SPIB: variants seen among roughly 807,000 people sequenced by gnomAD.
SPIB encodes Spi-B transcription factor, also known as transcription factor Spi-B.
A neutral mutation model predicts 31.9 loss-of-function variants in SPIB; 7 were observed. That is an observed-to-expected ratio of 0.22 (90% CI 0.12 to 0.41). SPIB has a LOEUF of 0.41. SPIB is among the 10% of genes least tolerant of loss of function. SPIB has a pLI of 1.00. For missense variants in SPIB, 327 were observed against 360.2 expected (o/e 0.91, Z 0.75); for synonymous variants, 176 against 158.9 (o/e 1.11, Z -0.81).
chr19:50,426,707 C>T (rs1183474273), intron 5 of SPIB, among the ~76,000 whole-genome samples: 1 of 152,012 alleles, frequency 6.6e-6, no homozygotes, highest in East Asian at 2.0e-4. Context: ...GTTGGCCAGG[C>T]TTGTCTCGAA....
chr19:50,419,931 T>TCACA lies in SPIB; in HGVS notation c.24-14_24-13insACAC. ...GAGGCAGCCTCAGCATGCCCCTGTG[T>TCACA]CTCTCCCCCTCCAGGCTCGACGGGC... is the stretch of plus-strand genomic sequence containing the variant. On this transcript the variant is annotated splice_polypyrimidine_tract_variant and intron_variant, in intron 1 of 5. Coordinates refer to ENST00000595883, the MANE Select transcript of SPIB (RefSeq NM_003121.5). 1 of 1,538,692 alleles carries TCACA rather than the reference T, an allele frequency of 6.5e-7. No individual in the cohort carries two copies. Among genetic ancestry groups the TCACA allele is most frequent in the Non-Finnish European group, 8.7e-7 (1 of 1,148,634 alleles).
intron 4 of SPIB, 67 bp from the exon 5 acceptor site, chr19:50,423,538 C>A: frequency 1.3e-6 from 2 of 1,577,472 alleles, no homozygotes; most frequent in South Asian, 1.2e-5. Context: ...ACCGCCTTGG[C>A]CTGAGAGGAG....
rs1166132405 is a variant in SPIB, at chr19:50,428,205, A to G, written c.658A>G (p.Lys220Glu). The G allele has an allele frequency of 1.9e-6, 3 of 1,585,854 alleles. No individual in the cohort carries two copies. ...RRWGQQKGNR[K>E]RMTYQKLARA... is the part of the protein sequence containing the mutation. ...CTGGGGCCAGCAGAAGGGGAACCGC[A>G]AGCGCATGACCTACCAGAAGCTGGC... Residue 220 changes from lysine (K) to glutamate (E), a missense_variant, in exon 6 of 6, where the codon AAG becomes GAG. By Grantham distance (56) the Lys-to-Glu change is moderately conservative. Transcript: ENST00000595883. The surrounding 1 kb of genome is among the most constrained non-coding windows in gnomAD (Gnocchi z 6.5).
intron 5 of SPIB, 113 bp from the exon 6 acceptor site, chr19:50,427,925 A>C: frequency 2.9e-6 from 3 of 1,026,004 alleles, no homozygotes; most frequent in Non-Finnish European, 3.7e-6. Context: ...CCCTCACCCC[A>C]CTTTTCAGAT....
At position 50,422,890 on chromosome 19, in the gene SPIB, A is replaced by G. The variant is rs2039515065; in HGVS notation, c.192A>G (p.Ala64=). The G allele has an allele frequency of 1.9e-6, 3 of 1,610,354 alleles. No homozygotes were observed. Among genetic ancestry groups the G allele is most frequent in the Non-Finnish European group, 1.7e-6 (2 of 1,178,608 alleles). The change falls in exon 4 of 6, where the codon GCA becomes GCG. Residue 64 remains alanine, a synonymous_variant. Transcript: ENST00000595883. Reference sequence around the variant, plus strand: ...CCCCCTATGAAGCCTTCGACCCGGCAGCAGCCGCTTTTAGCCACCCCCAGG... The same window carrying G: ...CCCCCTATGAAGCCTTCGACCCGGCGGCAGCCGCTTTTAGCCACCCCCAGG... The part of the protein sequence containing the change: ...PATPYEAFDP[A]AAAFSHPQAA...
At position 50,419,844 on chromosome 19, in the gene SPIB, G is replaced by T. The variant is rs547723382; in HGVS notation, c.24-102G>T. On this transcript the variant is annotated intron_variant, in intron 1 of 5. Coordinates refer to ENST00000595883, the MANE Select transcript of SPIB (RefSeq NM_003121.5). ...GGGCTGGTCCCTCACACAGGGCTGC[G>T]GTGGTCACAGCTGCTGCCGCCTCCC... is the stretch of plus-strand genomic sequence containing the variant. The T allele has an allele frequency of 4.0e-6, 5 of 1,238,332 alleles. No homozygotes were observed. In the East Asian group the frequency reaches 9.2e-5, roughly 23 times the overall value. 76.7% of individuals were successfully genotyped at this position (1,238,332 alleles called of 1,614,324 possible).
chr19:50,424,123 G>A (rs940533112), intron 5 of SPIB, among the ~76,000 whole-genome samples: 4 of 152,088 alleles, frequency 2.6e-5, no homozygotes, highest in Non-Finnish European at 4.4e-5. Context: ...AACCCCCAAC[G>A]GTTCAACCCT....
chr19:50,423,589 C>G lies in SPIB; in HGVS notation c.340-16C>G. ...AAGGGGTCCCTGGACATGCAGGTGA[C>G]CCTGACCTTCCGCAGACCCTGGTTC... On this transcript the variant is annotated splice_polypyrimidine_tract_variant and intron_variant, in intron 4 of 5. Coordinates refer to ENST00000595883, the MANE Select transcript of SPIB (RefSeq NM_003121.5). The G allele has an allele frequency of 1.2e-6, 2 of 1,611,580 alleles. No individual in the cohort carries two copies. The highest frequency in any genetic ancestry group is 1.7e-6 in the Non-Finnish European group (2 of 1,178,486).
chr19:50,421,997 G>A (rs577772768), intron 2 of SPIB, among the ~76,000 whole-genome samples: 9 of 152,286 alleles, frequency 5.9e-5, no homozygotes, highest in African/African-American at 9.6e-5. Context: ...TGATCTGCCC[G>A]CCTCGGCCCC....
chr19:50,419,398 C>A (rs970421432), intron 1 of SPIB, among the ~76,000 whole-genome samples: 26 of 152,140 alleles, frequency 1.7e-4, no homozygotes, highest in African/African-American at 6.0e-4. Context: ...TCTCGCTCTC[C>A]CTGCCTTTTG....
chr19:50,429,895 G>T lies in SPIB; in HGVS notation c.*1559G>T, dbSNP rs2039619237. The T allele has an allele frequency of 6.6e-6, 1 of 152,072 alleles. No homozygotes were observed. The highest frequency in any genetic ancestry group is 6.6e-5 in the Admixed American group (1 of 15,254). 9.4% of individuals were successfully genotyped at this position (152,072 alleles called of 1,614,324 possible). A position where few individuals can be genotyped will look rare whatever the true frequency, so the allele number is the denominator to read the frequency against. On this transcript the variant is annotated 3_prime_UTR_variant, in exon 6 of 6. Transcript: ENST00000595883. ...CACGTGCCTGTAGTCCCAGCTACTC[G>T]GGAGGCTGAGGCAAGAGAATCGCTT...
At chr19:50,423,792 T>C in intron 5 of SPIB, 37 bp downstream of exon 5, 2 of 1,567,476 alleles carry the variant, frequency 1.3e-6, no homozygotes, top group Non-Finnish European at 1.7e-6. Context: ...AGATGCCAGC[T>C]GGAGATGGTG....
chr19:50,420,898 G>A (rs1265662025), intron 2 of SPIB, among the ~76,000 whole-genome samples: 3 of 152,240 alleles, frequency 2.0e-5, no homozygotes, highest in Admixed American at 6.5e-5. Flanking sequence ...AAATTGCTGG[G>A]ATTACAGGCG....
rs146685364 is a variant in SPIB at position 50,423,540 on chromosome 19, TGA to T, written c.340-61_340-60del. The T allele has an allele frequency of 3.7e-4, 585 of 1,579,012 alleles. 4 individuals carry two copies. In the African/African-American group the frequency reaches 7.1e-3, roughly 19 times the overall value. Reference sequence around the variant, plus strand: ...AGCCAGGAGGGCCACCGCCTTGGCCTGAGAGGAGGAAGTGGAGGGAGACAAGG... The same window carrying T: ...AGCCAGGAGGGCCACCGCCTTGGCCTGAGGAGGAAGTGGAGGGAGACAAGG... On this transcript the variant is annotated intron_variant, in intron 4 of 5. Coordinates refer to ENST00000595883, the MANE Select transcript of SPIB (RefSeq NM_003121.5).
rs372956605 is a variant in SPIB at position 50,419,814 on chromosome 19, T to C, written c.24-132T>C. On this transcript the variant is annotated intron_variant, in intron 1 of 5. Coordinates refer to ENST00000595883, the MANE Select transcript of SPIB (RefSeq NM_003121.5). Reference sequence around the variant, plus strand: ...GGGTAGTGGGGGAGTCCGGTGAATGTGGTGGGGCTGGTCCCTCACACAGGG... The same window carrying C: ...GGGTAGTGGGGGAGTCCGGTGAATGCGGTGGGGCTGGTCCCTCACACAGGG... 385 of 857,600 alleles carry C rather than the reference T, an allele frequency of 4.5e-4. 3 individuals carry two copies. In the South Asian group the frequency reaches 6.6e-3, roughly 15 times the overall value. 53.1% of individuals were successfully genotyped at this position (857,600 alleles called of 1,614,324 possible). A position where few individuals can be genotyped will look rare whatever the true frequency, so the allele number is the denominator to read the frequency against.
At position 50,431,055 on chromosome 19, in the gene SPIB, C is replaced by T. The variant is rs1048476694; in HGVS notation, c.*2719C>T. ...ATAAGATGCATCGACGTAGACAAAC[C>T]TCCTGGGACCTTTTGTCAGGGACTG... is the stretch of plus-strand genomic sequence containing the variant. On this transcript the variant is annotated 3_prime_UTR_variant, in exon 6 of 6. Coordinates refer to ENST00000595883, the MANE Select transcript of SPIB (RefSeq NM_003121.5). 4 of 152,244 alleles carry T rather than the reference C, an allele frequency of 2.6e-5. No homozygotes were observed. Among genetic ancestry groups the T allele is most frequent in the African/African-American group, 9.6e-5 (4 of 41,454 alleles). 9.4% of individuals were successfully genotyped at this position (152,244 alleles called of 1,614,324 possible). A position where few individuals can be genotyped will look rare whatever the true frequency, so the allele number is the denominator to read the frequency against.
rs530442192 is a variant in SPIB, at chr19:50,421,372, G to A, written c.52-1101G>A. Among the ~76,000 whole-genome samples the A allele has an allele frequency of 2.0e-5, 3 of 152,272 alleles. No individual in the cohort carries two copies. The South Asian group carries it at 6.2e-4, about 32-fold the overall frequency. Reference sequence around the variant, plus strand: ...AGAGTTTTGCTCTGTCGCCGGGCTGGAGTACAGTGGTGCGATCTCGGCTCA... The same window carrying A: ...AGAGTTTTGCTCTGTCGCCGGGCTGAAGTACAGTGGTGCGATCTCGGCTCA... On this transcript the variant is annotated intron_variant, in intron 2 of 5. Transcript: ENST00000595883.
In SPIB at chr19:50,426,331, G is replaced by C. The variant is rs2122554702; in HGVS notation, c.491-1707G>C. On this transcript the variant is annotated intron_variant, in intron 5 of 5. Coordinates refer to ENST00000595883, the MANE Select transcript of SPIB (RefSeq NM_003121.5). ...TGCACAGTCCATGCAGGGCCGTCAAGTAGGCTGTCCATGGCTCTCCCACAG... is the reference window on the plus strand; with the variant it reads ...TGCACAGTCCATGCAGGGCCGTCAACTAGGCTGTCCATGGCTCTCCCACAG... Among the ~76,000 whole-genome samples, 2 of 152,274 alleles carry C rather than the reference G, an allele frequency of 1.3e-5. 1 individual carries two copies. Among genetic ancestry groups the C allele is most frequent in the Non-Finnish European group, 2.9e-5 (2 of 68,028 alleles).
At chr19:50,422,770 C>T (rs941521333) in intron 3 of SPIB, 53 bp from the exon 4 acceptor site, 27 of 1,269,552 alleles carry the variant, frequency 2.1e-5, no homozygotes, top group Non-Finnish European at 2.4e-5. Context: ...GCTTCGACTG[C>T]GAGGAGGCCT....
Sources: gnomAD v4.1 joint callset for allele counts (sites outside exome capture counted in the v4.1 genomes callset) on GRCh38, gnomAD v4.1.1 for gene constraint, Gnocchi (gnomAD v3.1) non-coding constraint, MANE v1.5 for transcripts, NCBI Gene and HGNC (gene_info 2026-07-23, HGNC 2026-07-21) for gene names.